Variants in RHBDD1 observed in about 807,000 individuals in gnomAD.
RHBDD1 encodes the protein rhomboid domain containing 1.
RHBDD1 carries 38 observed loss-of-function variants against 36.3 expected under a neutral mutation model. The observed-to-expected ratio is 1.05, with a 90% CI of 0.81 to 1.37. The LOEUF (loss-of-function observed/expected upper bound fraction) is 1.37, where lower values mean the gene tolerates loss of function less well. Among genes scored for constraint, RHBDD1 ranks in the 40% most tolerant of loss-of-function variants. The pLI, the probability that RHBDD1 is intolerant of heterozygous loss-of-function variation, is 0.00. For missense variants in RHBDD1, 393 were observed against 377.6 expected (o/e 1.04, Z -0.34); for synonymous variants, 151 against 136.5 (o/e 1.11, Z -0.74).
chr2:226,854,367 C>T (rs1384215143), intron 3 of RHBDD1, among the ~76,000 whole-genome samples: 1 of 151,908 alleles, frequency 6.6e-6, no homozygotes, highest in Non-Finnish European at 1.5e-5. Flanking sequence ...CTGAGGCAGG[C>T]GGATCACCCA....
rs146516529 is a variant in RHBDD1, at chr2:226,922,013, C to T, written c.856+7662C>T. On this transcript the variant is annotated intron_variant, in intron 8 of 8. Transcript: ENST00000392062. ...AATATTTGCTTTATATATCTGGGTG[C>T]TCCCGTGTTAGATGCATATATAATT... is the stretch of plus-strand genomic sequence containing the variant. 2.1e-3 allele frequency among the ~76,000 whole-genome samples: 316 copies of T among 152,058 alleles called. 1 individual carries two copies. The highest frequency in any genetic ancestry group is 7.1e-3 in the African/African-American group (293 of 41,484).
intron 5 of RHBDD1, among the ~76,000 whole-genome samples, chr2:226,870,314 G>T (rs527774646): frequency 6.6e-6 from 1 of 152,308 alleles, no homozygotes; most frequent in South Asian, 2.1e-4. Context: ...CTTTTATTAT[G>T]AAATAAATCA....
chr2:226,918,788 T>C (rs952323214), intron 8 of RHBDD1, among the ~76,000 whole-genome samples: 3 of 152,112 alleles, frequency 2.0e-5, no homozygotes, highest in African/African-American at 7.2e-5. Context: ...AATATAGATA[T>C]CTCTTTGATA....
the RHBDD1 span, among the ~76,000 whole-genome samples, chr2:226,815,605 G>A: frequency 2.0e-5 from 3 of 152,078 alleles, no homozygotes; most frequent in Non-Finnish European, 4.4e-5. Flanking sequence ...TAAAGACTGT[G>A]AACTCAACCC....
intron 7 of RHBDD1, among the ~76,000 whole-genome samples, chr2:226,909,292 G>T (rs1948340754): frequency 6.6e-6 from 1 of 152,138 alleles, no homozygotes; most frequent in Non-Finnish European, 1.5e-5. Flanking sequence ...GCTAAAATAG[G>T]CATGCCTCTA....
At chr2:226,808,052 T>G in the RHBDD1 span, among the ~76,000 whole-genome samples, 3 of 151,508 alleles carry the variant, frequency 2.0e-5, no homozygotes, top group African/African-American at 7.3e-5. Flanking sequence ...TCTGTTGGAA[T>G]AGACTGTTGG....
At chr2:226,977,986 T>C (rs1372295839) in intron 8 of RHBDD1, among the ~76,000 whole-genome samples, 3 of 152,264 alleles carry the variant, frequency 2.0e-5, no homozygotes, top group Non-Finnish European at 2.9e-5. Flanking sequence ...CTCTATAGTA[T>C]TTAAAGCTAT....
At chr2:226,955,980 G>A (rs1301148427) in intron 8 of RHBDD1, among the ~76,000 whole-genome samples, 1 of 152,174 alleles carries the variant, frequency 6.6e-6, no homozygotes, top group Admixed American at 6.5e-5. Context: ...GCAGATGCCA[G>A]GGTCAGTGCT....
chr2:226,927,385 G>A (rs1329326021), intron 8 of RHBDD1, among the ~76,000 whole-genome samples: 1 of 151,704 alleles, frequency 6.6e-6, no homozygotes, highest in Non-Finnish European at 1.5e-5. Context: ...CCAGTTGAAG[G>A]ATATTTGGGT....
At chr2:226,900,454 A>T (rs1368912206) in intron 5 of RHBDD1, among the ~76,000 whole-genome samples, 1 of 152,198 alleles carries the variant, frequency 6.6e-6, no homozygotes, top group Admixed American at 6.5e-5. Context: ...TCAGTATCAC[A>T]GTCAGTATTT....
intron 8 of RHBDD1, among the ~76,000 whole-genome samples, chr2:226,992,748 C>T (rs1423541780): frequency 6.6e-6 from 1 of 152,124 alleles, no homozygotes; most frequent in East Asian, 1.9e-4. Flanking sequence ...GCAGGAAGGG[C>T]GGGAATGGTG....
At chr2:226,988,580 A>G in intron 8 of RHBDD1, 1 of 1,382,976 alleles carries the variant, frequency 7.2e-7, no homozygotes, top group Non-Finnish European at 9.4e-7. Context: ...TGCATCAGAA[A>G]CATCAGAAGA....
At chr2:226,890,845 A>T (rs984347191) in intron 5 of RHBDD1, among the ~76,000 whole-genome samples, 2 of 152,144 alleles carry the variant, frequency 1.3e-5, no homozygotes, top group African/African-American at 2.4e-5. Context: ...AAAGTAAAAA[A>T]CCCAGCTCAA....
chr2:226,907,889 A>G (rs1287063704), intron 6 of RHBDD1, among the ~76,000 whole-genome samples: 2 of 152,190 alleles, frequency 1.3e-5, no homozygotes, highest in Non-Finnish European at 2.9e-5. Flanking sequence ...ATACAATTTA[A>G]TACTCATTAG....
At position 226,845,325 on chromosome 2, in the gene RHBDD1, A is replaced by C. The variant is rs141550255; in HGVS notation, c.-91+5698A>C. Reference sequence around the variant, plus strand: ...TTTGTCACAATTTGTGATTTTGTGTAATAAATATATATACATATATAATCC... The same window carrying C: ...TTTGTCACAATTTGTGATTTTGTGTCATAAATATATATACATATATAATCC... On this transcript the variant is annotated intron_variant, in intron 3 of 8. Coordinates refer to ENST00000392062, the MANE Select transcript of RHBDD1 (RefSeq NM_001167608.3). Among the ~76,000 whole-genome samples the C allele has an allele frequency of 2.7e-3, 412 of 152,346 alleles. 5 individuals carry two copies. Among genetic ancestry groups the C allele is most frequent in the African/African-American group, 9.3e-3 (386 of 41,574 alleles).
intron 5 of RHBDD1, among the ~76,000 whole-genome samples, chr2:226,896,725 G>A (rs1433563528): frequency 6.6e-6 from 1 of 152,078 alleles, no homozygotes; most frequent in Non-Finnish European, 1.5e-5. Context: ...AAGGCACATG[G>A]CACACAGGCC....
At chr2:226,906,190 A>T (rs919790731) in intron 5 of RHBDD1, among the ~76,000 whole-genome samples, 1 of 152,216 alleles carries the variant, frequency 6.6e-6, no homozygotes, top group African/African-American at 2.4e-5. Flanking sequence ...AAACACTTTC[A>T]TGCCCTAACT....
At chr2:226,923,197 T>C (rs1258893336) in intron 8 of RHBDD1, among the ~76,000 whole-genome samples, 2 of 152,240 alleles carry the variant, frequency 1.3e-5, no homozygotes, top group African/African-American at 2.4e-5. Flanking sequence ...GCATTTCTTG[T>C]AGGACATGTC....
intron 8 of RHBDD1, among the ~76,000 whole-genome samples, chr2:226,979,180 G>T (rs897953376): frequency 3.9e-5 from 6 of 152,080 alleles, no homozygotes; most frequent in African/African-American, 1.4e-4. Context: ...CCCCCAAGAG[G>T]CCACTGCTGA....
Sources: gnomAD v4.1 joint callset for allele counts (sites outside exome capture counted in the v4.1 genomes callset) on GRCh38, gnomAD v4.1.1 for gene constraint, MANE v1.5 for transcripts, NCBI Gene and HGNC (gene_info 2026-07-23, HGNC 2026-07-21) for gene names.